The following NCOR1 variants were observed in gnomAD, a reference collection of about 807,000 sequenced individuals.
The protein encoded by NCOR1 is nuclear receptor corepressor 1, also known as protein phosphatase 1, regulatory subunit 109.
NCOR1 carries 63 observed loss-of-function variants against 288.1 expected under a neutral mutation model. That is an observed-to-expected ratio of 0.22 (90% CI 0.18 to 0.27). The LOEUF (loss-of-function observed/expected upper bound fraction) is 0.27. Among genes scored for constraint, NCOR1 ranks in the 10% least tolerant of loss-of-function variants. NCOR1 has a pLI of 1.00. For missense variants in NCOR1, 2,397 were observed against 3,019.2 expected, an observed-to-expected ratio of 0.79 and a Z score of 4.83; for synonymous variants, 1,007 against 1,065.9, an observed-to-expected ratio of 0.94 and a Z score of 1.08.
chr17:16,092,679 ATATATATATATATATATTT>A (rs1293230235), intron 21 of NCOR1, among the ~76,000 whole-genome samples: 5 of 18,678 alleles, frequency 2.7e-4, no homozygotes, highest in East Asian at 2.9e-3. Context: ...ATATATATAT[ATATATATATATATATATTT>A]TTTTTTTTTT....
In NCOR1 at chr17:16,153,395, T is replaced by C. The variant is rs2153391135; in HGVS notation, c.733A>G (p.Lys245Glu). The C allele has an allele frequency of 6.3e-7, 1 of 1,590,236 alleles. No individual in the cohort carries two copies. The highest frequency in any genetic ancestry group is 2.2e-5 in the East Asian group (1 of 44,646). The change falls in exon 7 of 46, where the codon AAA (lysine) becomes GAA (glutamate). Residue 245 changes from lysine to glutamate, a missense_variant and splice_region_variant. Coordinates refer to ENST00000268712, the MANE Select transcript of NCOR1 (RefSeq NM_006311.4). ...IVQIIYDENR[K>E]KAEEAHKIFE... is the part of the protein sequence containing the mutation. ...ATTTTATGAGCTTCTTCTGCTTTTT[T>C]CTAGAGATAAAGACATTGTTGTATC... is the stretch of plus-strand genomic sequence containing the variant.
At chr17:16,192,969 C>T (rs775095140) in intron 2 of NCOR1, among the ~76,000 whole-genome samples, 24 of 152,038 alleles carry the variant, frequency 1.6e-4, no homozygotes, top group Non-Finnish European at 3.2e-4. Context: ...AGAACGTATA[C>T]AATGTATTAT....
Position 16,215,395 on chromosome 17 carries a change from C to T in NCOR1, c.-104G>A. The T allele has an allele frequency of 2.5e-6, 1 of 395,698 alleles. No individual in the cohort carries two copies. The allele number at this position is 395,698 out of a possible 1,614,324, so 24.5% of individuals were successfully genotyped here. A position where few individuals can be genotyped will look rare whatever the true frequency, so the allele number is the denominator to read the frequency against. On this transcript the variant is annotated 5_prime_UTR_variant, in exon 1 of 46. Coordinates refer to ENST00000268712, the MANE Select transcript of NCOR1 (RefSeq NM_006311.4). The stretch of plus-strand genomic sequence containing the variant: ...GGCTAAGCGTGGGAGCCGACGTGCG[C>T]CCCGGCCTGAGGAGTGGGACGCGGC...
At chr17:16,039,815 GTC>G (rs772841727) in intron 43 of NCOR1, 161 bp from the exon 44 acceptor site, 59 of 639,362 alleles carry the variant, frequency 9.2e-5, no homozygotes, top group East Asian at 4.6e-4. Flanking sequence ...TGGAGACAGA[GTC>G]TCTCTCTGTC....
chr17:16,211,719 T>C (rs2092146013), intron 1 of NCOR1, among the ~76,000 whole-genome samples: 1 of 151,878 alleles, frequency 6.6e-6, no homozygotes, highest in Admixed American at 6.6e-5. Flanking sequence ...ACTATTCTAG[T>C]AATATTTTGA....
chr17:16,163,462 T>C (rs1023914215), intron 5 of NCOR1, among the ~76,000 whole-genome samples: 6 of 152,146 alleles, frequency 3.9e-5, no homozygotes, highest in African/African-American at 1.4e-4. Context: ...TACAACTAGA[T>C]ACCACTTCAC....
intron 14 of NCOR1, among the ~76,000 whole-genome samples, chr17:16,133,042 C>T (rs765976783): frequency 2.6e-5 from 4 of 151,946 alleles, no homozygotes; most frequent in Non-Finnish European, 4.4e-5. Context: ...GATCTAGGCT[C>T]GCTGCAACCT....
chr17:16,159,323 G>A (rs539308243), intron 5 of NCOR1, among the ~76,000 whole-genome samples: 1 of 144,852 alleles, frequency 6.9e-6, no homozygotes, highest in East Asian at 2.1e-4. Flanking sequence ...TGAGGCAGGA[G>A]AATCACTTGA....
At chr17:16,079,128 G>T (rs1232543114) in intron 26 of NCOR1, among the ~76,000 whole-genome samples, 2 of 152,140 alleles carry the variant, frequency 1.3e-5, no homozygotes, top group Non-Finnish European at 1.5e-5. Flanking sequence ...ATCAGCTAAG[G>T]GCTTGGGAAA....
At chr17:16,145,715 G>C (rs1384833839) in intron 10 of NCOR1, among the ~76,000 whole-genome samples, 1 of 151,906 alleles carries the variant, frequency 6.6e-6, no homozygotes, top group Non-Finnish European at 1.5e-5. Flanking sequence ...TCCGGGAGGT[G>C]GGGGGCAGCC....
chr17:16,116,079 A>T (rs1187352272), intron 18 of NCOR1, among the ~76,000 whole-genome samples: 2 of 152,202 alleles, frequency 1.3e-5, no homozygotes, highest in Non-Finnish European at 2.9e-5. Context: ...GGGGCAGGCA[A>T]AAAAAGAGAG....
intron 2 of NCOR1, 83 bp from the exon 3 acceptor site, chr17:16,186,770 T>C (rs1395961646): frequency 2.4e-6 from 3 of 1,254,788 alleles, no homozygotes; most frequent in Middle Eastern, 2.0e-4. Flanking sequence ...AAGGTAGTTA[T>C]GGGCCACTAA....
chr17:16,104,353 T>C (rs2068188985), intron 19 of NCOR1, among the ~76,000 whole-genome samples: 1 of 152,210 alleles, frequency 6.6e-6, no homozygotes, highest in African/African-American at 2.4e-5. Context: ...CTTTCAAATA[T>C]GATGAAGTGT....
intron 21 of NCOR1, among the ~76,000 whole-genome samples, chr17:16,093,599 AC>A (rs1164148768): frequency 6.6e-6 from 1 of 152,184 alleles, no homozygotes. Context: ...TAGAGGTCTG[AC>A]TTTTTTTTAG....
At chr17:16,039,034 G>T (rs540109135) in intron 44 of NCOR1, among the ~76,000 whole-genome samples, 19 of 152,214 alleles carry the variant, frequency 1.2e-4, no homozygotes, top group Non-Finnish European at 2.6e-4. Flanking sequence ...CCCCCAAAGT[G>T]CTGGGATTAC....
chr17:16,150,701 T>TG (rs1307193869), intron 8 of NCOR1, among the ~76,000 whole-genome samples: 12 of 148,644 alleles, frequency 8.1e-5, no homozygotes, highest in South Asian at 2.1e-4. Flanking sequence ...TGAGGCTTTG[T>TG]GGGAAAAAAA....
At chr17:16,063,571 T>A (rs919563242) in intron 35 of NCOR1, among the ~76,000 whole-genome samples, 8 of 152,212 alleles carry the variant, frequency 5.3e-5, no homozygotes, top group African/African-American at 1.9e-4. Context: ...AGAGGCTACA[T>A]CCGGGACCAG....
Position 16,052,100 on chromosome 17 carries a change from C to G in NCOR1, c.6393-3112G>C, listed in dbSNP as rs963573667. On this transcript the variant is annotated intron_variant, in intron 40 of 45. Transcript: ENST00000268712. The stretch of plus-strand genomic sequence containing the variant: ...CTTGGCTCACTGCAAGCTCCGCCTC[C>G]CGGGTTCACGCCATTCTCCTGCCTC... Among the ~76,000 whole-genome samples the G allele has an allele frequency of 1.4e-4, 22 of 151,984 alleles. 1 individual carries two copies. The East Asian group carries it at 2.8e-3, about 19-fold the overall frequency.
At chr17:16,036,599 T>A (rs1175509041) in intron 44 of NCOR1, among the ~76,000 whole-genome samples, 1 of 152,238 alleles carries the variant, frequency 6.6e-6, no homozygotes, top group Non-Finnish European at 1.5e-5. Flanking sequence ...TGCTGCAACA[T>A]CTTCATCAGC....
Sources: allele counts gnomAD v4.1 joint callset (sites outside exome capture counted in the v4.1 genomes callset), GRCh38; gene constraint gnomAD v4.1.1; transcripts MANE v1.5; gene names NCBI Gene and HGNC (gene_info 2026-07-23, HGNC 2026-07-21).